USP32: variants seen among roughly 807,000 people sequenced by gnomAD.
USP32 encodes the protein ubiquitin specific peptidase 32, also known as ubiquitin carboxyl-terminal hydrolase 32.
Under a neutral mutation model 204.8 loss-of-function variants are expected in USP32, and 59 were observed. The ratio of observed to expected loss-of-function variants is 0.29; its 90% CI spans 0.23 to 0.36. The LOEUF (loss-of-function observed/expected upper bound fraction) is 0.36. Ranked by LOEUF, USP32 falls within the 10% of genes least tolerant of loss-of-function variation. The pLI is 1.00. For synonymous variants in USP32, 517 were observed against 678.4 expected (o/e 0.76, Z 3.70); for missense variants, 1,160 against 1,946.4 (o/e 0.60, Z 7.60).
intron 13 of USP32, among the ~76,000 whole-genome samples, chr17:60,225,312 C>G (rs555992874): frequency 1.8e-4 from 27 of 152,010 alleles, no homozygotes; most frequent in Non-Finnish European, 3.2e-4. Context: ...CAAAAAATGG[C>G]TGGGCATGGT....
At chr17:60,370,764 CAAAAAAAAA>C (rs112650493) in intron 1 of USP32, among the ~76,000 whole-genome samples, 1 of 72,714 alleles carries the variant, frequency 1.4e-5, no homozygotes, top group Non-Finnish European at 3.4e-5. Flanking sequence ...GCTACTGTCT[CAAAAAAAAA>C]AAAAAAAAAA....
chr17:60,352,337 C>G (rs1014144602), intron 1 of USP32, among the ~76,000 whole-genome samples: 2 of 152,100 alleles, frequency 1.3e-5, no homozygotes, highest in African/African-American at 4.8e-5. Flanking sequence ...TTTTACACAC[C>G]TATTTTTGAG....
chr17:60,198,168 A>G (rs1462169644), intron 27 of USP32, 92 bp downstream of exon 27: 4 of 1,492,818 alleles, frequency 2.7e-6, no homozygotes, highest in East Asian at 2.3e-5. Flanking sequence ...TTAACTTGAC[A>G]TAGGCTGGGT....
chr17:60,249,770 AC>A, intron 11 of USP32: 1 of 700,508 alleles, frequency 1.4e-6, no homozygotes, highest in Non-Finnish European at 2.6e-6. Flanking sequence ...TGGTTGTTTG[AC>A]AATTTTGTTC....
intron 1 of USP32, among the ~76,000 whole-genome samples, chr17:60,345,856 C>T (rs774690544): frequency 6.6e-6 from 1 of 152,036 alleles, no homozygotes; most frequent in Non-Finnish European, 1.5e-5. Flanking sequence ...GTGGTGCATG[C>T]CTATAATCCC....
At chr17:60,313,656 T>C (rs566836317) in intron 2 of USP32, among the ~76,000 whole-genome samples, 1 of 152,090 alleles carries the variant, frequency 6.6e-6, no homozygotes, top group Non-Finnish European at 1.5e-5. Flanking sequence ...AGACACCTCA[T>C]TGAACATCCA....
intron 1 of USP32, among the ~76,000 whole-genome samples, chr17:60,389,038 A>G (rs1489206583): frequency 8.5e-5 from 13 of 152,208 alleles, no homozygotes; most frequent in Admixed American, 8.5e-4. Context: ...AATAATTTTA[A>G]GTAAAGCCAA....
chr17:60,296,187 TA>T (rs2087425533), intron 3 of USP32, among the ~76,000 whole-genome samples: 2 of 152,172 alleles, frequency 1.3e-5, no homozygotes, highest in South Asian at 4.1e-4. Flanking sequence ...AGGTACGTAT[TA>T]GATATATGTT....
intron 12 of USP32, among the ~76,000 whole-genome samples, chr17:60,227,192 G>A (rs531861525): frequency 2.0e-5 from 3 of 151,152 alleles, no homozygotes; most frequent in Non-Finnish European, 4.4e-5. Flanking sequence ...TCTTCAAAAG[G>A]CAACACTATT....
At chr17:60,247,647 G>A (rs2086065748) in intron 11 of USP32, among the ~76,000 whole-genome samples, 2 of 151,592 alleles carry the variant, frequency 1.3e-5, no homozygotes, top group Non-Finnish European at 1.5e-5. Flanking sequence ...GGTTGTAAAT[G>A]TGGGGGGTTT....
At chr17:60,287,948 C>T (rs920716908) in intron 5 of USP32, among the ~76,000 whole-genome samples, 13 of 151,686 alleles carry the variant, frequency 8.6e-5, no homozygotes, top group African/African-American at 2.9e-4. Flanking sequence ...CCTGACTCTA[C>T]TAAAAATACA....
At chr17:60,421,895 T>G (rs2090121681) in intron 1 of USP32, 2 of 985,314 alleles carry the variant, frequency 2.0e-6, no homozygotes, top group Admixed American at 1.2e-4. Context: ...CAGCGCCTCC[T>G]GTGTGAAGCG....
intron 11 of USP32, among the ~76,000 whole-genome samples, chr17:60,244,005 T>A (rs2085944946): frequency 6.6e-6 from 1 of 151,726 alleles, no homozygotes; most frequent in Non-Finnish European, 1.5e-5. Flanking sequence ...ATTTGTGCCT[T>A]TGAATCTCAA....
At chr17:60,420,097 GTTTTGTTTTATTTTATTTA>G (rs1206425583) in intron 1 of USP32, among the ~76,000 whole-genome samples, 2 of 147,464 alleles carry the variant, frequency 1.4e-5, no homozygotes, top group Non-Finnish European at 1.5e-5. Flanking sequence ...TATTTTATTT[GTTTTGTTTTATTTTATTTA>G]TTTTGTTTTA....
Position 60,181,728 on chromosome 17 carries a change from T to C in USP32, c.4144A>G (p.Lys1382Glu). 1 of 1,607,774 alleles carries C rather than the reference T, an allele frequency of 6.2e-7. No homozygotes were observed. The highest frequency in any genetic ancestry group is 8.5e-7 in the Non-Finnish European group (1 of 1,176,838). Residue 1382 changes from lysine to glutamate, a missense_variant, in exon 32 of 34, where the codon AAA becomes GAA. By Grantham distance (56) the Lys-to-Glu change is moderately conservative. Coordinates refer to ENST00000300896, the MANE Select transcript of USP32 (RefSeq NM_032582.4). Reference protein sequence around the residue: ...SPKGSPSSSRKSGTSCPSSKN... With the variant: ...SPKGSPSSSRESGTSCPSSKN... ...CTGGAGGGACAGCTGGTTCCACTTT[T>C]TCTTGATGAAGAAGGAGAACCTGTG...
chr17:60,357,610 C>T (rs949583782), intron 1 of USP32, among the ~76,000 whole-genome samples: 2 of 152,072 alleles, frequency 1.3e-5, no homozygotes, highest in Non-Finnish European at 2.9e-5. Context: ...ATTCCTTATA[C>T]AAAAGGACAA....
intron 2 of USP32, among the ~76,000 whole-genome samples, chr17:60,334,892 C>T (rs1234711532): frequency 7.0e-6 from 1 of 142,768 alleles, no homozygotes; most frequent in Non-Finnish European, 1.5e-5. Flanking sequence ...AACTCCTGAC[C>T]TCGTGATCCA....
At chr17:60,188,962 C>T (rs1439626553) in intron 29 of USP32, among the ~76,000 whole-genome samples, 5 of 152,236 alleles carry the variant, frequency 3.3e-5, no homozygotes, top group African/African-American at 7.2e-5. Context: ...TGAGATTTAA[C>T]AGGTCACGTA....
intron 19 of USP32, 127 bp downstream of exon 19, chr17:60,211,897 A>G: frequency 1.3e-6 from 1 of 762,846 alleles, no homozygotes; most frequent in Non-Finnish European, 2.0e-6. Flanking sequence ...GAAAAAAGAA[A>G]AAGAAGAAGG....
Sources: allele counts gnomAD v4.1 joint callset (sites outside exome capture counted in the v4.1 genomes callset), GRCh38; gene constraint gnomAD v4.1.1; transcripts MANE v1.5; gene names NCBI Gene and HGNC (gene_info 2026-07-23, HGNC 2026-07-21).